The following FAM216A variants were observed in gnomAD, a reference collection of about 807,000 sequenced individuals.
FAM216A encodes the protein protein FAM216A.
A neutral mutation model predicts 37.6 loss-of-function variants in FAM216A; 26 were observed. The ratio of observed to expected loss-of-function variants is 0.69; its 90% CI spans 0.51 to 0.96. The LOEUF (loss-of-function observed/expected upper bound fraction) is 0.96. Ranked by LOEUF, FAM216A falls within the 40% of genes least tolerant of loss-of-function variation. The pLI is 0.00. For synonymous variants in FAM216A, 110 were observed against 121.7 expected (o/e 0.90, Z 0.64); for missense variants, 326 against 339.3 (o/e 0.96, Z 0.31).
chr12:110,473,074 A>G lies in FAM216A; in HGVS notation c.144-4A>G, dbSNP rs1206898728. The G allele has an allele frequency of 6.5e-7, 1 of 1,532,162 alleles. No homozygotes were observed. Among genetic ancestry groups the G allele is most frequent in the East Asian group, 2.3e-5 (1 of 44,136 alleles). 94.9% of individuals were successfully genotyped at this position (1,532,162 alleles called of 1,614,324 possible). A position where few individuals can be genotyped will look rare whatever the true frequency, so the allele number is the denominator to read the frequency against. Reference sequence around the variant, plus strand: ...ATTATTTATATGCTTTATTTTTTCAACAGATCAGCTGGATACTCTTGTTAC... The same window carrying G: ...ATTATTTATATGCTTTATTTTTTCAGCAGATCAGCTGGATACTCTTGTTAC... On this transcript the variant is annotated splice_polypyrimidine_tract_variant and splice_region_variant and intron_variant, in intron 1 of 6. Coordinates refer to ENST00000377673, the MANE Select transcript of FAM216A (RefSeq NM_013300.3).
chr12:110,482,967 A>C (rs1317655305), intron 2 of FAM216A, among the ~76,000 whole-genome samples: 1 of 152,136 alleles, frequency 6.6e-6, no homozygotes, highest in East Asian at 1.9e-4. Context: ...ATGGTAATAG[A>C]AAGCACATCA....
At chr12:110,483,330 C>CAAAAAA (rs916383892) in intron 2 of FAM216A, among the ~76,000 whole-genome samples, 2 of 120,916 alleles carry the variant, frequency 1.7e-5, no homozygotes, top group African/African-American at 3.5e-5. Flanking sequence ...GACTCCTTCT[C>CAAAAAA]AAAAAAAAAA....
upstream of FAM216A, chr12:110,468,509 T>C: frequency 6.5e-7 from 1 of 1,537,276 alleles, no homozygotes; most frequent in Non-Finnish European, 8.7e-7. Context: ...CTCCGCATCC[T>C]TGCGCCACGT....
At chr12:110,484,023 G>C (rs568614772) in intron 2 of FAM216A, among the ~76,000 whole-genome samples, 101 of 152,076 alleles carry the variant, frequency 6.6e-4, no homozygotes, top group African/African-American at 2.3e-3. Context: ...GCAGAGGCGG[G>C]AGAATCTCTT....
At chr12:110,469,125 C>T (rs1018585021) in intron 1 of FAM216A, 107 bp downstream of exon 1, 6 of 1,260,958 alleles carry the variant, frequency 4.8e-6, no homozygotes, top group Non-Finnish European at 6.2e-6. Context: ...CCTCTCGTCT[C>T]GGGGGCTGGC....
upstream of FAM216A, chr12:110,468,711 C>T: frequency 4.6e-6 from 7 of 1,509,904 alleles, 1 homozygote; most frequent in Admixed American, 1.2e-4. Flanking sequence ...CCGCAGCGCT[C>T]CTGCCCCTCC....
chr12:110,470,742 G>A (rs1006746979), intron 1 of FAM216A, among the ~76,000 whole-genome samples: 4 of 151,966 alleles, frequency 2.6e-5, no homozygotes, highest in Non-Finnish European at 4.4e-5. Flanking sequence ...GCACAAAGAG[G>A]TTGTTTGTCC....
chr12:110,468,759 G>T, upstream of FAM216A: 1 of 1,478,800 alleles, frequency 6.8e-7, no homozygotes, highest in Non-Finnish European at 9.0e-7. Context: ...TGCCCGCCCC[G>T]CTCTCCCGAA....
upstream of FAM216A, chr12:110,468,608 T>G: frequency 6.5e-7 from 1 of 1,537,208 alleles, no homozygotes; most frequent in Non-Finnish European, 8.7e-7. Flanking sequence ...AATACTGAAG[T>G]GGAAGGCACC....
At position 110,485,180 on chromosome 12, in the gene FAM216A, T is replaced by C. The variant is rs781298202; in HGVS notation, c.287T>C (p.Met96Thr). The C allele has an allele frequency of 2.2e-5, 35 of 1,610,434 alleles. No individual in the cohort carries two copies. The South Asian group carries it at 3.7e-4, about 17-fold the overall frequency. Residue 96 changes from methionine (M) to threonine (T), a missense_variant, in exon 3 of 7, where the codon ATG becomes ACG. By Grantham distance (81) the Met-to-Thr change is moderately conservative (BLOSUM62 -1). Transcript: ENST00000377673. ...ACAATCCACCTCTCTAAATCAATGATGGAGGCGTCCTTTTTCAAGGTATGC... is the reference window on the plus strand; with the variant it reads ...ACAATCCACCTCTCTAAATCAATGACGGAGGCGTCCTTTTTCAAGGTATGC... ...NQTIHLSKSM[M>T]EASFFKHPDL...
intron 1 of FAM216A, among the ~76,000 whole-genome samples, chr12:110,472,244 G>GA (rs559243637): frequency 1.2e-3 from 146 of 125,620 alleles, no homozygotes; most frequent in African/African-American, 2.5e-3. Context: ...AAAGAAAAAA[G>GA]AAAAAAAAAA....
chr12:110,476,822 C>T (rs145903726), intron 2 of FAM216A, among the ~76,000 whole-genome samples: 2,956 of 151,664 alleles, frequency 0.019, 41 homozygotes, highest in Middle Eastern at 0.066. Context: ...CCACCGCGCC[C>T]GGCCGACATT....
At chr12:110,483,788 C>A (rs942780278) in intron 2 of FAM216A, among the ~76,000 whole-genome samples, 3 of 151,966 alleles carry the variant, frequency 2.0e-5, no homozygotes. Flanking sequence ...AGCACTCTAG[C>A]CTGGGCAATA....
At position 110,471,656 on chromosome 12, in the gene FAM216A, G is replaced by A. The variant is rs560836908; in HGVS notation, c.144-1422G>A. On this transcript the variant is annotated intron_variant, in intron 1 of 6. Transcript: ENST00000377673. The stretch of plus-strand genomic sequence containing the variant: ...AAAAGGATCACGCTGGTTGCTAGTT[G>A]GAGAATAAACTAGAAGGAGCAAGCG... Among the ~76,000 whole-genome samples, 3 of 152,268 alleles carry A rather than the reference G, an allele frequency of 2.0e-5. No homozygotes were observed. In the East Asian group the frequency reaches 5.8e-4, roughly 29 times the overall value.
chr12:110,476,356 C>T (rs901524960), intron 2 of FAM216A, among the ~76,000 whole-genome samples: 2 of 151,866 alleles, frequency 1.3e-5, no homozygotes, highest in African/African-American at 2.4e-5. Flanking sequence ...CCCACCACCA[C>T]GCCCCGCTAA....
At chr12:110,488,950 C>T (rs1349520788) in intron 6 of FAM216A, among the ~76,000 whole-genome samples, 2 of 152,102 alleles carry the variant, frequency 1.3e-5, no homozygotes, top group Non-Finnish European at 2.9e-5. Context: ...CTTCTGTATA[C>T]CATTTTGTTT....
At position 110,469,000 on chromosome 12, in the gene FAM216A, C is replaced by G; in HGVS notation, c.125C>G (p.Thr42Ser). Reference sequence around the variant, plus strand: ...GCAGAGCCGCCCGCTGTGGCCGGGACCGAGGGTGGCGGCGGCGGGTGAGGT... The same window carrying G: ...GCAGAGCCGCCCGCTGTGGCCGGGAGCGAGGGTGGCGGCGGCGGGTGAGGT... ...SSAEPPAVAG[T>S]EGGGGGSAGY... The change falls in exon 1 of 7, where the codon ACC becomes AGC. Residue 42 changes from threonine (T) to serine (S), a missense_variant. By Grantham distance (58) the Thr-to-Ser change is moderately conservative (BLOSUM62 1). Transcript: ENST00000377673. 6.7e-7 allele frequency: 1 copy of G among 1,486,230 alleles called. No individual in the cohort carries two copies. The highest frequency in any genetic ancestry group is 8.9e-7 in the Non-Finnish European group (1 of 1,119,580). 92.1% of individuals were successfully genotyped at this position (1,486,230 alleles called of 1,614,324 possible).
Position 110,468,882 on chromosome 12 carries a change from G to A in FAM216A, c.7G>A (p.Gly3Arg). The A allele has an allele frequency of 2.0e-6, 3 of 1,511,744 alleles. No homozygotes were observed. Among genetic ancestry groups the A allele is most frequent in the Non-Finnish European group, 2.6e-6 (3 of 1,132,250 alleles). 93.6% of individuals were successfully genotyped at this position (1,511,744 alleles called of 1,614,324 possible). A position where few individuals can be genotyped will look rare whatever the true frequency, so the allele number is the denominator to read the frequency against. Reference sequence around the variant, plus strand: ...GCGTGCTGTCGGGGGAGGGATGCTGGGACAGCTGCTCCCGCACACGGCTCG... The same window carrying A: ...GCGTGCTGTCGGGGGAGGGATGCTGAGACAGCTGCTCCCGCACACGGCTCG... MLGQLLPHTARGL... is the reference protein window; with the variant it reads MLRQLLPHTARGL... Residue 3 changes from glycine (G) to arginine (R), a missense_variant, in exon 1 of 7, where the codon GGA becomes AGA. By Grantham distance (125) the Gly-to-Arg change is moderately radical. Coordinates refer to ENST00000377673, the MANE Select transcript of FAM216A (RefSeq NM_013300.3).
chr12:110,483,353 C>T (rs1172088871), intron 2 of FAM216A, among the ~76,000 whole-genome samples: 1 of 138,856 alleles, frequency 7.2e-6, no homozygotes, highest in South Asian at 2.2e-4. Flanking sequence ...AGAGGCATTT[C>T]GTGATTTAAT....
Sources: allele counts gnomAD v4.1 joint callset (sites outside exome capture counted in the v4.1 genomes callset), GRCh38; gene constraint gnomAD v4.1.1; transcripts MANE v1.5; gene names NCBI Gene and HGNC (gene_info 2026-07-23, HGNC 2026-07-21).